Variants in DPP9 observed in about 807,000 individuals in gnomAD.
DPP9 encodes the protein dipeptidyl peptidase IV-related protein-2.
In DPP9, 50 loss-of-function variants were observed where a neutral mutation model predicts 110.7. That is an observed-to-expected ratio of 0.45 (90% CI 0.36 to 0.57). DPP9 has a LOEUF of 0.57. Among genes scored for constraint, DPP9 ranks in the 20% least tolerant of loss-of-function variants. The pLI is 0.00. For synonymous variants in DPP9, 561 were observed against 514.4 expected, an observed-to-expected ratio of 1.09 and a Z score of -1.23; for missense variants, 1,022 against 1,217.9, an observed-to-expected ratio of 0.84 and a Z score of 2.39.
chr19:4,707,845 C>T (rs767206010), intron 4 of DPP9, among the ~76,000 whole-genome samples: 11 of 151,914 alleles, frequency 7.2e-5, no homozygotes, highest in East Asian at 1.9e-4. Context: ...AGGATGGTCT[C>T]GAACTCCTGA....
At chr19:4,705,806 C>T in intron 5 of DPP9, 52 bp downstream of exon 5, 1 of 1,581,840 alleles carries the variant, frequency 6.3e-7, no homozygotes, top group South Asian at 1.1e-5. Flanking sequence ...TGGGGCTGGC[C>T]TTTGCCACCT....
intron 21 of DPP9, among the ~76,000 whole-genome samples, chr19:4,678,379 C>A (rs1026836902): frequency 2.0e-5 from 3 of 152,236 alleles, no homozygotes; most frequent in African/African-American, 7.2e-5. Flanking sequence ...TCCCAAAGTG[C>A]TGGGGTTACA....
At chr19:4,688,260 C>T (rs1010902787) in intron 16 of DPP9, 9 of 153,266 alleles carry the variant, frequency 5.9e-5, no homozygotes, top group African/African-American at 1.7e-4. Flanking sequence ...CATGTGCACA[C>T]TACTACACCC....
intron 3 of DPP9, 102 bp from the exon 4 acceptor site, chr19:4,714,439 C>T: frequency 7.1e-7 from 1 of 1,402,128 alleles, no homozygotes; most frequent in South Asian, 1.5e-5. Context: ...CCAGACGAGC[C>T]CCACCCCTGC....
intron 18 of DPP9, 190 bp from the exon 19 acceptor site, chr19:4,683,819 A>G (rs1456690341): frequency 7.2e-6 from 11 of 1,534,894 alleles, no homozygotes; most frequent in Non-Finnish European, 9.6e-6. Flanking sequence ...TCCAGCAGCC[A>G]TCTTGCTCTG....
intron 10 of DPP9, among the ~76,000 whole-genome samples, chr19:4,699,328 A>G (rs1467360802): frequency 1.3e-5 from 2 of 152,130 alleles, no homozygotes; most frequent in East Asian, 3.9e-4. Context: ...TGTCCCCATC[A>G]TCATCTGCTC....
rs1326517517 is a variant in DPP9 at position 4,676,798 on chromosome 19, G to A, written c.2587-142C>T. ...TGATCTGGGTTTGAATCCCACCTCG[G>A]CTGTTGACTTGCAGTGTAACTCTGG... On this transcript the variant is annotated intron_variant, in intron 21 of 21. Transcript: ENST00000262960. This position sits in a 1 kb window ranked among gnomAD's most constrained non-coding sequence, Gnocchi z 4.0. 6 of 675,680 alleles carry A rather than the reference G, an allele frequency of 8.9e-6. No individual in the cohort carries two copies. In the Admixed American group the frequency reaches 1.1e-4, roughly 13 times the overall value. The allele number at this position is 675,680 out of a possible 1,614,324, so 41.9% of individuals were successfully genotyped here.
At chr19:4,717,629 G>A (rs1475347348) in intron 3 of DPP9, 1 of 152,228 alleles carries the variant, frequency 6.6e-6, no homozygotes, top group Non-Finnish European at 1.5e-5. Context: ...GATCACCACT[G>A]ATAGCCCAAG....
Position 4,716,433 on chromosome 19 carries a change from C to T in DPP9, c.57-2096G>A, listed in dbSNP as rs187022375. 2.9e-3 allele frequency among the ~76,000 whole-genome samples: 448 copies of T among 152,140 alleles called. 2 individuals are homozygous for T. Among genetic ancestry groups the T allele is most frequent in the Admixed American group, 4.2e-3 (64 of 15,266 alleles). ...CAGGAGGATCATGAGATCAGCAGAT[C>T]GAGACCATCCTGGCTAACACGGTGA... On this transcript the variant is annotated intron_variant, in intron 3 of 21. Transcript: ENST00000262960.
At position 4,723,827 on chromosome 19, in the gene DPP9, C is replaced by A. The variant is rs1221631985; in HGVS notation, c.-242G>T. On this transcript the variant is annotated 5_prime_UTR_variant, in exon 1 of 22. In the 5' UTR this introduces an upstream ATG that the reference lacks. Coordinates refer to ENST00000262960, the MANE Select transcript of DPP9 (RefSeq NM_139159.5). ...ACAGGGGACCCGCCGGCTCAGGCAC[C>A]TTTGACCCGGAAGTTGAGCGACCCA... 1 of 154,482 alleles carries A rather than the reference C, an allele frequency of 6.5e-6. No individual in the cohort carries two copies. The highest frequency in any genetic ancestry group is 1.5e-5 in the Non-Finnish European group (1 of 68,224). 9.6% of individuals were successfully genotyped at this position (154,482 alleles called of 1,614,324 possible). A position where few individuals can be genotyped will look rare whatever the true frequency, so the allele number is the denominator to read the frequency against.
chr19:4,678,817 C>T (rs1599854057), intron 21 of DPP9, among the ~76,000 whole-genome samples: 1 of 152,202 alleles, frequency 6.6e-6, no homozygotes, highest in East Asian at 1.9e-4. Flanking sequence ...GTAATAAAAC[C>T]TGGCCCTCTT....
Position 4,697,658 on chromosome 19 carries a change from G to A in DPP9, c.1075-7C>T. The A allele has an allele frequency of 1.9e-6, 3 of 1,613,298 alleles. No homozygotes were observed. The highest frequency in any genetic ancestry group is 1.7e-6 in the Non-Finnish European group (2 of 1,179,508). Reference sequence around the variant, plus strand: ...TCTCCTGGGTCGAGACGATCTGAAGGGAAACAAACAGGTGTGGGTCATGCC... The same window carrying A: ...TCTCCTGGGTCGAGACGATCTGAAGAGAAACAAACAGGTGTGGGTCATGCC... On this transcript the variant is annotated splice_region_variant and splice_polypyrimidine_tract_variant and intron_variant, in intron 10 of 21. Transcript: ENST00000262960.
intron 21 of DPP9, among the ~76,000 whole-genome samples, chr19:4,677,401 G>T (rs2089015643): frequency 6.6e-6 from 1 of 152,124 alleles, no homozygotes; most frequent in Admixed American, 6.5e-5. Context: ...CCGGCAGCAG[G>T]GGCAGGTGGC....
At position 4,693,534 on chromosome 19, in the gene DPP9, C is replaced by T. The variant is rs2091513321; in HGVS notation, c.1516+1127G>A. ...GGACCTGCGGAGCCCTCCGGGCATC[C>T]ATGCCGCCTCCCTCCTCTCTGATCC... On this transcript the variant is annotated intron_variant, in intron 13 of 21. Coordinates refer to ENST00000262960, the MANE Select transcript of DPP9 (RefSeq NM_139159.5). This position sits in a 1 kb window ranked among gnomAD's most constrained non-coding sequence, Gnocchi z 5.0. Among the ~76,000 whole-genome samples, 1 of 152,166 alleles carries T rather than the reference C, an allele frequency of 6.6e-6. No individual in the cohort carries two copies. Among genetic ancestry groups the T allele is most frequent in the African/African-American group, 2.4e-5 (1 of 41,450 alleles).
At position 4,710,409 on chromosome 19, in the gene DPP9, G is replaced by GCGGGAGCGGGGT. The variant is rs1232526817; in HGVS notation, c.313+3660_313+3671dup. 1.3e-5 allele frequency among the ~76,000 whole-genome samples: 2 copies of GCGGGAGCGGGGT among 152,236 alleles called. No individual in the cohort carries two copies. Among genetic ancestry groups the GCGGGAGCGGGGT allele is most frequent in the African/African-American group, 4.8e-5 (2 of 41,470 alleles). On this transcript the variant is annotated intron_variant, in intron 4 of 21. Coordinates refer to ENST00000262960, the MANE Select transcript of DPP9 (RefSeq NM_139159.5). The surrounding 1 kb of genome is among the most constrained non-coding windows in gnomAD (Gnocchi z 5.6). Reference sequence around the variant, plus strand: ...GTGGGGAGAGGCTGATCCGCGTGGGGCGGGAGCGGGGTCGGGAGCGTTTCC... The same window carrying GCGGGAGCGGGGT: ...GTGGGGAGAGGCTGATCCGCGTGGGGCGGGAGCGGGGTCGGGAGCGGGGTCGGGAGCGTTTCC...
chr19:4,714,412 G>C (rs529853305), intron 3 of DPP9, 75 bp from the exon 4 acceptor site: 29 of 1,433,246 alleles, frequency 2.0e-5, no homozygotes, highest in Non-Finnish European at 2.6e-5. Context: ...TGCCCCTTGC[G>C]AGGCACTCAG....
chr19:4,691,756 C>A lies in DPP9; in HGVS notation c.1517-799G>T, dbSNP rs551491846. Among the ~76,000 whole-genome samples the A allele has an allele frequency of 2.9e-3, 427 of 147,602 alleles. 1 individual carries two copies. Among genetic ancestry groups the A allele is most frequent in the Non-Finnish European group, 5.2e-3 (347 of 66,922 alleles). On this transcript the variant is annotated intron_variant, in intron 13 of 21. Coordinates refer to ENST00000262960, the MANE Select transcript of DPP9 (RefSeq NM_139159.5). ...GCAATGGCGTGATTTTGGCTCACTG[C>A]AACCTCCGTCTCCTGGGTTCAAGTG...
At chr19:4,721,101 CG>C (rs1324597735) in intron 2 of DPP9, among the ~76,000 whole-genome samples, 2 of 152,166 alleles carry the variant, frequency 1.3e-5, no homozygotes. Flanking sequence ...ACGACTGGGA[CG>C]GTGAGGGGAG....
chr19:4,719,671 G>C (rs1354845156), intron 3 of DPP9, 180 bp downstream of exon 3: 1 of 719,788 alleles, frequency 1.4e-6, no homozygotes, highest in African/African-American at 1.8e-5. Context: ...CAGTGCCGAG[G>C]GGGAGACCCC....
Sources: allele counts gnomAD v4.1 joint callset (sites outside exome capture counted in the v4.1 genomes callset), GRCh38; gene constraint gnomAD v4.1.1; non-coding constraint Gnocchi (gnomAD v3.1); transcripts MANE v1.5; gene names NCBI Gene and HGNC (gene_info 2026-07-23, HGNC 2026-07-21).